Variants in MAGI2 observed in about 807,000 individuals in gnomAD.
The protein encoded by MAGI2 is membrane-associated guanylate kinase, WW and PDZ domain-containing protein 2.
MAGI2 carries 35 observed loss-of-function variants against 133.3 expected under a neutral mutation model. The observed-to-expected ratio is 0.26, with a 90% CI of 0.20 to 0.35. The LOEUF (loss-of-function observed/expected upper bound fraction) is 0.35. MAGI2 is among the 10% of genes least tolerant of loss of function. The pLI is 1.00. For synonymous variants in MAGI2, 729 were observed against 710.6 expected, an observed-to-expected ratio of 1.03 and a Z score of -0.41; for missense variants, 1,636 against 1,863.4, an observed-to-expected ratio of 0.88 and a Z score of 2.25.
chr7:78,135,424 A>G (rs1822009889), intron 16 of MAGI2, among the ~76,000 whole-genome samples: 1 of 152,172 alleles, frequency 6.6e-6, no homozygotes, highest in Non-Finnish European at 1.5e-5. Flanking sequence ...GCCAATTCCA[A>G]ACACAGACCA....
chr7:78,854,862 TA>T (rs201500696), intron 2 of MAGI2, among the ~76,000 whole-genome samples: 1 of 151,804 alleles, frequency 6.6e-6, no homozygotes, highest in African/African-American at 2.4e-5. Flanking sequence ...ATTACTCTTT[TA>T]TTTTTATTCT....
intron 1 of MAGI2, among the ~76,000 whole-genome samples, chr7:79,211,043 T>C (rs1416632564): frequency 1.3e-5 from 2 of 152,024 alleles, no homozygotes; most frequent in Admixed American, 6.6e-5. Context: ...CAGAGAAGGA[T>C]TGGCTAAGTC....
At chr7:78,848,584 TG>T (rs984001163) in intron 2 of MAGI2, among the ~76,000 whole-genome samples, 2 of 151,974 alleles carry the variant, frequency 1.3e-5, no homozygotes, top group Non-Finnish European at 2.9e-5. Context: ...AGGCTCTTCA[TG>T]ACCTACTTCT....
At chr7:78,439,147 C>T (rs1000446384) in intron 6 of MAGI2, among the ~76,000 whole-genome samples, 1 of 152,184 alleles carries the variant, frequency 6.6e-6, no homozygotes, top group African/African-American at 2.4e-5. Flanking sequence ...ACCATTAGCA[C>T]TGAGTTAAAG....
At chr7:78,783,082 A>G (rs965969372) in intron 2 of MAGI2, among the ~76,000 whole-genome samples, 60 of 144,166 alleles carry the variant, frequency 4.2e-4, no homozygotes, top group Non-Finnish European at 7.6e-4. Context: ...TCTTGATGGC[A>G]AAGACTGATT....
chr7:78,767,890 T>G (rs905421778), intron 2 of MAGI2, among the ~76,000 whole-genome samples: 3 of 152,226 alleles, frequency 2.0e-5, no homozygotes, highest in African/African-American at 7.2e-5. Flanking sequence ...TAGCTCTCAT[T>G]AAGAACTCAT....
In MAGI2 at chr7:78,782,628, A is replaced by G. The variant is rs114219262; in HGVS notation, c.419-155389T>C. ...AGGGAACATCAATAGTTGAGAAGTGAGAAAAGATTTGAAGCCATTAAATGA... is the reference window on the plus strand; with the variant it reads ...AGGGAACATCAATAGTTGAGAAGTGGGAAAAGATTTGAAGCCATTAAATGA... On this transcript the variant is annotated intron_variant, in intron 2 of 21. Transcript: ENST00000354212. Among the ~76,000 whole-genome samples the G allele has an allele frequency of 5.9e-3, 901 of 152,202 alleles. 4 individuals are homozygous for G. Among genetic ancestry groups the G allele is most frequent in the African/African-American group, 0.021 (857 of 41,516 alleles).
At chr7:78,887,570 C>T (rs1029687118) in intron 2 of MAGI2, among the ~76,000 whole-genome samples, 4 of 152,214 alleles carry the variant, frequency 2.6e-5, no homozygotes, top group African/African-American at 9.7e-5. Context: ...GCTATATCAT[C>T]GTAGGTGGCC....
In MAGI2 at chr7:78,577,929, G is replaced by T. The variant is rs543847687; in HGVS notation, c.538+49191C>A. Among the ~76,000 whole-genome samples, 20 of 151,374 alleles carry T rather than the reference G, an allele frequency of 1.3e-4. No individual in the cohort carries two copies. The South Asian group carries it at 4.2e-3, about 32-fold the overall frequency. Reference sequence around the variant, plus strand: ...ATTAGAAGAATTTAATTAAAAATTAGATTTCATGACAAAAAATTTAAACTG... The same window carrying T: ...ATTAGAAGAATTTAATTAAAAATTATATTTCATGACAAAAAATTTAAACTG... On this transcript the variant is annotated intron_variant, in intron 3 of 21. Transcript: ENST00000354212.
chr7:78,327,219 A>C (rs17404500), intron 9 of MAGI2, among the ~76,000 whole-genome samples: 2 of 152,122 alleles, frequency 1.3e-5, no homozygotes, highest in Admixed American at 1.3e-4. Flanking sequence ...GTCAGGCTCT[A>C]TTCTCCATGG....
chr7:78,165,010 G>C (rs1825484419), intron 15 of MAGI2, among the ~76,000 whole-genome samples: 1 of 152,206 alleles, frequency 6.6e-6, no homozygotes, highest in Non-Finnish European at 1.5e-5. Context: ...AATGCAAGGT[G>C]AAAGTGTGTG....
At chr7:79,220,519 C>G (rs993105166) in intron 1 of MAGI2, among the ~76,000 whole-genome samples, 20 of 151,980 alleles carry the variant, frequency 1.3e-4, no homozygotes, top group African/African-American at 4.6e-4. Context: ...GAACAGAAAG[C>G]CAGCATCCTC....
chr7:78,577,032 T>C (rs1473872862), intron 3 of MAGI2, among the ~76,000 whole-genome samples: 7 of 152,212 alleles, frequency 4.6e-5, no homozygotes, highest in African/African-American at 7.2e-5. Flanking sequence ...TTTTTTGTTA[T>C]AGGGGTGTCA....
chr7:78,408,999 G>C (rs1797631448), intron 6 of MAGI2, among the ~76,000 whole-genome samples: 1 of 152,052 alleles, frequency 6.6e-6, no homozygotes, highest in African/African-American at 2.4e-5. Flanking sequence ...AATATCAACA[G>C]AGAGACCAAA....
At chr7:78,550,589 T>C (rs1799250153) in intron 3 of MAGI2, among the ~76,000 whole-genome samples, 1 of 152,244 alleles carries the variant, frequency 6.6e-6, no homozygotes, top group South Asian at 2.1e-4. Context: ...ACACTCCAGA[T>C]AAGAGCTTTT....
chr7:79,400,273 T>TA (rs1845376227), intron 1 of MAGI2, among the ~76,000 whole-genome samples: 1 of 152,184 alleles, frequency 6.6e-6, no homozygotes, highest in Non-Finnish European at 1.5e-5. Flanking sequence ...TGTTTGTATA[T>TA]AAAAAACTTT....
chr7:78,270,672 T>C (rs1202992458), intron 9 of MAGI2, among the ~76,000 whole-genome samples: 2 of 152,080 alleles, frequency 1.3e-5, no homozygotes, highest in Non-Finnish European at 2.9e-5. Context: ...GCTGAGACGA[T>C]GGGGTTTTCT....
chr7:78,431,685 A>G (rs1444074281), intron 6 of MAGI2, among the ~76,000 whole-genome samples: 1 of 152,100 alleles, frequency 6.6e-6, no homozygotes, highest in African/African-American at 2.4e-5. Context: ...TTCAGCATGT[A>G]GCTTGCATTT....
At chr7:78,797,244 CCCA>C (rs1787693191) in intron 2 of MAGI2, among the ~76,000 whole-genome samples, 3 of 151,766 alleles carry the variant, frequency 2.0e-5, no homozygotes. Flanking sequence ...CATATGTACC[CCCA>C]CAATATATAA....
Sources: gnomAD v4.1 joint callset for allele counts (sites outside exome capture counted in the v4.1 genomes callset) on GRCh38, gnomAD v4.1.1 for gene constraint, MANE v1.5 for transcripts, NCBI Gene and HGNC (gene_info 2026-07-23, HGNC 2026-07-21) for gene names.